The following SH3D19 variants were observed in gnomAD, a reference collection of about 807,000 sequenced individuals.
The protein encoded by SH3D19 is SH3 domain-containing protein 19.
SH3D19 carries 58 observed loss-of-function variants against 112.1 expected under a neutral mutation model. That is an observed-to-expected ratio of 0.52 (90% CI 0.42 to 0.64). The LOEUF (loss-of-function observed/expected upper bound fraction) is 0.64, where lower values mean the gene tolerates loss of function less well. Among genes scored for constraint, SH3D19 ranks in the 30% least tolerant of loss-of-function variants. SH3D19 has a pLI of 0.00. For synonymous variants in SH3D19, 391 were observed against 448.5 expected, an observed-to-expected ratio of 0.87 and a Z score of 1.62; for missense variants, 1,090 against 1,263.4, an observed-to-expected ratio of 0.86 and a Z score of 2.08.
intron 2 of SH3D19, among the ~76,000 whole-genome samples, chr4:151,195,853 C>T (rs1157994375): frequency 2.0e-5 from 3 of 149,972 alleles, no homozygotes; most frequent in Admixed American, 1.3e-4. Context: ...GAAAAAGTTT[C>T]TGAAAAACAA....
chr4:151,142,794 AT>A (rs1368151208), intron 12 of SH3D19, among the ~76,000 whole-genome samples: 2 of 152,198 alleles, frequency 1.3e-5, no homozygotes, highest in Non-Finnish European at 2.9e-5. Context: ...TAAAAAAAAA[AT>A]GTAACAATAG....
intron 1 of SH3D19, among the ~76,000 whole-genome samples, chr4:151,233,954 C>T (rs1769810691): frequency 6.6e-6 from 1 of 152,200 alleles, no homozygotes; most frequent in South Asian, 2.1e-4. Flanking sequence ...ATCCAATGCC[C>T]TCCCATTTTC....
chr4:151,149,575 A>C lies in SH3D19; in HGVS notation c.1756-14T>G. On this transcript the variant is annotated splice_polypyrimidine_tract_variant and intron_variant, in intron 9 of 19. Coordinates refer to ENST00000604030, the MANE Select transcript of SH3D19 (RefSeq NM_001378122.1). ...GTGGTTGGATTCCTGCAAGTAGCAG[A>C]GAATGCTTTTTAGTTAAGGTTAATC... The C allele has an allele frequency of 6.2e-7, 1 of 1,610,324 alleles. No individual in the cohort carries two copies. The highest frequency in any genetic ancestry group is 2.2e-5 in the East Asian group (1 of 44,752).
intron 2 of SH3D19, among the ~76,000 whole-genome samples, chr4:151,223,984 T>C (rs1032693988): frequency 3.0e-4 from 46 of 152,188 alleles, no homozygotes; most frequent in Non-Finnish European, 2.1e-4. Context: ...TTTTTCAAGG[T>C]CTTGTGGACC....
intron 1 of SH3D19, among the ~76,000 whole-genome samples, chr4:151,235,970 A>C (rs542667680): frequency 1.4e-4 from 22 of 152,296 alleles, no homozygotes; most frequent in Admixed American, 1.2e-3. Context: ...ACCACTTCTC[A>C]AATGAACTGA....
intron 15 of SH3D19, among the ~76,000 whole-genome samples, chr4:151,133,953 T>C (rs1258116071): frequency 3.9e-5 from 6 of 152,162 alleles, no homozygotes; most frequent in Non-Finnish European, 7.3e-5. Flanking sequence ...AATCCCTAGA[T>C]TTGAGGGTTT....
chr4:151,235,101 T>A (rs1417554719), intron 1 of SH3D19, among the ~76,000 whole-genome samples: 1 of 151,868 alleles, frequency 6.6e-6, no homozygotes, highest in Non-Finnish European at 1.5e-5. Flanking sequence ...GTTACATGTT[T>A]CAAAGGGGTT....
At chr4:151,250,454 T>C (rs1198126032) in intron 1 of SH3D19, among the ~76,000 whole-genome samples, 1 of 152,050 alleles carries the variant, frequency 6.6e-6, no homozygotes, top group East Asian at 1.9e-4. Context: ...ATATATTATA[T>C]ACAGACATGT....
chr4:151,322,500 CA>C (rs11420449), intron 1 of SH3D19, among the ~76,000 whole-genome samples: 36,946 of 122,502 alleles, frequency 0.3, 5,324 homozygotes, highest in Middle Eastern at 0.39. Context: ...ATAATTCTGC[CA>C]AAAAAAAAAA....
At chr4:151,268,719 C>T (rs564784810) in intron 1 of SH3D19, among the ~76,000 whole-genome samples, 230 of 141,804 alleles carry the variant, frequency 1.6e-3, no homozygotes, top group Admixed American at 3.2e-3. Flanking sequence ...CGATAGTTTA[C>T]TGAGAATGAT....
intron 7 of SH3D19, among the ~76,000 whole-genome samples, chr4:151,168,291 G>A (rs1158003053): frequency 6.6e-6 from 1 of 152,178 alleles, no homozygotes; most frequent in Non-Finnish European, 1.5e-5. Context: ...GGAAACATGA[G>A]TGCAGCAGGT....
intron 11 of SH3D19, 107 bp downstream of exon 11, chr4:151,147,815 G>A: frequency 5.0e-6 from 7 of 1,408,788 alleles, no homozygotes; most frequent in Non-Finnish European, 6.7e-6. Context: ...TGGCGTCAAG[G>A]GACAATTCCA....
At chr4:151,176,290 C>T (rs150512451) in intron 6 of SH3D19, among the ~76,000 whole-genome samples, 44 of 152,238 alleles carry the variant, frequency 2.9e-4, no homozygotes, top group African/African-American at 8.7e-4. Flanking sequence ...ATGAATTATA[C>T]GGATAATGTT....
intron 1 of SH3D19, among the ~76,000 whole-genome samples, chr4:151,310,760 C>T (rs1471289830): frequency 3.3e-5 from 5 of 151,416 alleles, no homozygotes; most frequent in South Asian, 2.1e-4. Context: ...TTAGTAGAGA[C>T]GGGGTTTCAC....
chr4:151,313,606 C>T (rs970994920), intron 1 of SH3D19, among the ~76,000 whole-genome samples: 33 of 151,978 alleles, frequency 2.2e-4, no homozygotes, highest in African/African-American at 8.0e-4. Context: ...TTTATAAAGT[C>T]GGGGTCTTGC....
intron 1 of SH3D19, chr4:151,279,184 A>T (rs1773932928): frequency 3.1e-6 from 1 of 318,942 alleles, no homozygotes; most frequent in Admixed American, 4.5e-5. Flanking sequence ...TATACAGGTC[A>T]CCAGCACACT....
At chr4:151,263,385 G>T (rs966388850) in intron 1 of SH3D19, among the ~76,000 whole-genome samples, 4 of 152,122 alleles carry the variant, frequency 2.6e-5, no homozygotes, top group African/African-American at 9.7e-5. Context: ...GGATTCTGAG[G>T]AAAAAGTAGG....
intron 1 of SH3D19, chr4:151,282,450 C>T (rs755374143): frequency 6.2e-7 from 1 of 1,607,080 alleles, no homozygotes; most frequent in South Asian, 1.1e-5. Flanking sequence ...TTTCATATGT[C>T]ATCCTCTTGT....
chr4:151,247,981 T>C (rs1347202673), intron 1 of SH3D19, among the ~76,000 whole-genome samples: 1 of 152,172 alleles, frequency 6.6e-6, no homozygotes, highest in Non-Finnish European at 1.5e-5. Context: ...TACAGCCCCA[T>C]TGGCAGCAAG....
Sources: allele counts gnomAD v4.1 joint callset (sites outside exome capture counted in the v4.1 genomes callset), GRCh38; gene constraint gnomAD v4.1.1; transcripts MANE v1.5; gene names NCBI Gene and HGNC (gene_info 2026-07-23, HGNC 2026-07-21).